MRTFA: variants seen among roughly 807,000 people sequenced by gnomAD.
MRTFA encodes the protein myocardin related transcription factor A.
A neutral mutation model predicts 83.5 loss-of-function variants in MRTFA; 20 were observed. The ratio of observed to expected loss-of-function variants is 0.24; its 90% CI spans 0.17 to 0.35. The LOEUF is 0.35. Among genes scored for constraint, MRTFA ranks in the 10% least tolerant of loss-of-function variants. The pLI, the probability that MRTFA is intolerant of heterozygous loss-of-function variation, is 1.00. For missense variants in MRTFA, 1,200 were observed against 1,224.7 expected (o/e 0.98, Z 0.30); for synonymous variants, 659 against 541.2 (o/e 1.22, Z -3.02).
At chr22:40,597,255 C>T (rs948771228) in intron 1 of MRTFA, among the ~76,000 whole-genome samples, 2 of 152,210 alleles carry the variant, frequency 1.3e-5, no homozygotes, top group Non-Finnish European at 2.9e-5. Flanking sequence ...TCCATTTAAA[C>T]AATCTGTTGT....
chr22:40,456,165 G>A (rs1407156081), intron 4 of MRTFA, among the ~76,000 whole-genome samples: 3 of 152,056 alleles, frequency 2.0e-5, no homozygotes, highest in East Asian at 1.9e-4. Context: ...GTCTTATTAC[G>A]AGAAACACTG....
intron 3 of MRTFA, among the ~76,000 whole-genome samples, chr22:40,498,744 G>A (rs1030004960): frequency 7.2e-5 from 11 of 152,072 alleles, no homozygotes; most frequent in African/African-American, 2.7e-4. Context: ...CTACCTCTCA[G>A]GAGCAGGCCA....
chr22:40,623,254 T>C (rs758271677), intron 1 of MRTFA, among the ~76,000 whole-genome samples: 55 of 152,206 alleles, frequency 3.6e-4, no homozygotes, highest in Non-Finnish European at 6.3e-4. Flanking sequence ...CAATCTTTAA[T>C]AGACCAAAGT....
chr22:40,536,560 C>T (rs1381209629), intron 3 of MRTFA, among the ~76,000 whole-genome samples: 2 of 112,638 alleles, frequency 1.8e-5, no homozygotes, highest in East Asian at 2.8e-4. Flanking sequence ...TCTGCCTGGC[C>T]GCCCATCGTC....
At chr22:40,580,789 T>C (rs2055936176) in intron 2 of MRTFA, among the ~76,000 whole-genome samples, 1 of 152,106 alleles carries the variant, frequency 6.6e-6, no homozygotes, top group Admixed American at 6.6e-5. Context: ...ACTGATGTGT[T>C]TGTTTAAAAG....
intron 3 of MRTFA, among the ~76,000 whole-genome samples, chr22:40,499,426 G>T (rs1048344104): frequency 4.6e-5 from 7 of 152,082 alleles, no homozygotes; most frequent in African/African-American, 1.4e-4. Context: ...ACTGACCACA[G>T]ACTACAAGCA....
At chr22:40,577,990 G>A (rs939654034) in intron 2 of MRTFA, among the ~76,000 whole-genome samples, 13 of 149,600 alleles carry the variant, frequency 8.7e-5, no homozygotes, top group African/African-American at 2.5e-4. Flanking sequence ...GTCTTGCTTC[G>A]TCACCCAGGC....
At chr22:40,442,339 T>C (rs1261804721) in intron 4 of MRTFA, among the ~76,000 whole-genome samples, 2 of 152,210 alleles carry the variant, frequency 1.3e-5, no homozygotes, top group African/African-American at 2.4e-5. Context: ...ATACACTTAA[T>C]AGAGGTCACT....
At chr22:40,570,438 C>T (rs2055771798) in intron 2 of MRTFA, among the ~76,000 whole-genome samples, 1 of 151,702 alleles carries the variant, frequency 6.6e-6, no homozygotes, top group Non-Finnish European at 1.5e-5. Flanking sequence ...ATTAGCCTGG[C>T]ATGGTGGCAA....
rs556051473 is a variant in MRTFA, at chr22:40,509,982, T to TAAA, written c.241+42121_241+42123dup. Among the ~76,000 whole-genome samples the TAAA allele has an allele frequency of 3.0e-3, 327 of 108,116 alleles. 7 individuals carry two copies. The highest frequency in any genetic ancestry group is 4.9e-3 in the Non-Finnish European group (275 of 56,312). 70.9% of individuals were successfully genotyped at this position (108,116 alleles called of 152,430 possible). On this transcript the variant is annotated intron_variant, in intron 3 of 14. Transcript: ENST00000355630. ...ATCAAGAAACAGCAGCCAAGTACTT[T>TAAA]AAAAAAAAAAAAAAAGTGAAGTTAA...
At chr22:40,613,603 C>T (rs554972447) in intron 1 of MRTFA, among the ~76,000 whole-genome samples, 32 of 152,172 alleles carry the variant, frequency 2.1e-4, no homozygotes, top group Non-Finnish European at 3.4e-4. Flanking sequence ...TGCCTGTAAT[C>T]CCAACACTTT....
intron 7 of MRTFA, among the ~76,000 whole-genome samples, chr22:40,428,642 C>A (rs2053003824): frequency 6.6e-6 from 1 of 152,156 alleles, no homozygotes; most frequent in South Asian, 2.1e-4. Flanking sequence ...GCCTCCTGAG[C>A]AGCTGGGATT....
chr22:40,502,316 C>T lies in MRTFA; in HGVS notation c.242-39030G>A, dbSNP rs1322470441. Among the ~76,000 whole-genome samples, 53 of 113,486 alleles carry T rather than the reference C, an allele frequency of 4.7e-4. No individual in the cohort carries two copies. The South Asian group carries it at 9.0e-3, about 19-fold the overall frequency. The allele number at this position is 113,486 out of a possible 152,430, so 74.5% of individuals were successfully genotyped here. A position where few individuals can be genotyped will look rare whatever the true frequency, so the allele number is the denominator to read the frequency against. On this transcript the variant is annotated intron_variant, in intron 3 of 14. Coordinates refer to ENST00000355630, the MANE Select transcript of MRTFA (RefSeq NM_020831.6). ...CTCACTTCTCAGACGGGGTGGTTGC[C>T]AGGCAGAGGGTCTCCTCACTTCTCA...
rs530096686 is a variant in MRTFA at position 40,594,030 on chromosome 22, T to A, written c.-22+644A>T. ...CGTGAACTGCCATCTATAGCTCTTT[T>A]TGCAGGCACCTGACATAAGACAGAT... On this transcript the variant is annotated intron_variant, in intron 2 of 14. Coordinates refer to ENST00000355630, the MANE Select transcript of MRTFA (RefSeq NM_020831.6). Among the ~76,000 whole-genome samples the A allele has an allele frequency of 1.1e-4, 16 of 152,354 alleles. No homozygotes were observed. In the South Asian group the frequency reaches 3.3e-3, roughly 32 times the overall value.
intron 1 of MRTFA, among the ~76,000 whole-genome samples, chr22:40,636,234 G>A (rs1000301585): frequency 6.6e-6 from 1 of 152,156 alleles, no homozygotes; most frequent in Admixed American, 6.5e-5. Flanking sequence ...CAGTGCACAG[G>A]TGCACGACCG....
intron 2 of MRTFA, among the ~76,000 whole-genome samples, chr22:40,556,351 T>C (rs2055524283): frequency 6.6e-6 from 1 of 152,132 alleles, no homozygotes; most frequent in Non-Finnish European, 1.5e-5. Flanking sequence ...AGTAAAGCAA[T>C]AGTGTGCCCA....
intron 3 of MRTFA, among the ~76,000 whole-genome samples, chr22:40,535,236 GTC>G (rs2055147680): frequency 6.6e-6 from 1 of 152,006 alleles, no homozygotes; most frequent in Admixed American, 6.6e-5. Context: ...CTACATGACA[GTC>G]TGGTCAAAGG....
At position 40,411,867 on chromosome 22, in the gene MRTFA, C is replaced by T; in HGVS notation, c.2619G>A (p.Gly873=). Residue 873 remains glycine (G), a synonymous_variant, in exon 15 of 15, where the codon GGG becomes GGA. Coordinates refer to ENST00000355630, the MANE Select transcript of MRTFA (RefSeq NM_020831.6). ...CTGTCTTCGGGGATGGCTTCTCCTT[C>T]CCTGGCAGGGATGGCGGCTCCTTGA... The T allele has an allele frequency of 1.3e-6, 2 of 1,486,890 alleles. No homozygotes were observed. The highest frequency in any genetic ancestry group is 1.8e-6 in the Non-Finnish European group (2 of 1,117,006). 92.1% of individuals were successfully genotyped at this position (1,486,890 alleles called of 1,614,324 possible). A position where few individuals can be genotyped will look rare whatever the true frequency, so the allele number is the denominator to read the frequency against.
At chr22:40,422,008 A>G (rs543781408) in intron 9 of MRTFA, among the ~76,000 whole-genome samples, 1 of 152,266 alleles carries the variant, frequency 6.6e-6, no homozygotes, top group South Asian at 2.1e-4. Context: ...TTTTGCTGGG[A>G]GCATGGGAAG....
Sources: allele counts gnomAD v4.1 joint callset (sites outside exome capture counted in the v4.1 genomes callset), GRCh38; gene constraint gnomAD v4.1.1; transcripts MANE v1.5; gene names NCBI Gene and HGNC (gene_info 2026-07-23, HGNC 2026-07-21).